The following DZIP1 variants were observed in gnomAD, a reference collection of about 807,000 sequenced individuals.
DZIP1 encodes the protein DAZ interacting zinc finger protein 1.
A neutral mutation model predicts 107.6 loss-of-function variants in DZIP1; 97 were observed. The observed-to-expected ratio is 0.90, with a 90% CI of 0.77 to 1.07. The LOEUF is 1.07. DZIP1 is among the 50% of genes least tolerant of loss of function. DZIP1 has a pLI of 0.00. For missense variants in DZIP1, 1,035 were observed against 1,063.6 expected, an observed-to-expected ratio of 0.97 and a Z score of 0.37; for synonymous variants, 390 against 386.4, an observed-to-expected ratio of 1.01 and a Z score of -0.11.
rs1876879694 is a variant in DZIP1 at position 95,628,996 on chromosome 13, T to C, written c.810+993A>G. 3.3e-5 allele frequency among the ~76,000 whole-genome samples: 5 copies of C among 152,178 alleles called. No individual in the cohort carries two copies. The South Asian group carries it at 1.0e-3, about 32-fold the overall frequency. ...ACTGTACACTTAAAAATAGTTAAAA[T>C]CATAAATTTTACATTATAGGTATAT... On this transcript the variant is annotated intron_variant, in intron 7 of 22. Transcript: ENST00000376829.
chr13:95,579,125 A>C lies in DZIP1; in HGVS notation c.*3109T>G, dbSNP rs946315735. 6 of 152,160 alleles carry C rather than the reference A, an allele frequency of 3.9e-5. No individual in the cohort carries two copies. Among genetic ancestry groups the C allele is most frequent in the Non-Finnish European group, 8.8e-5 (6 of 68,046 alleles). The allele number at this position is 152,160 out of a possible 1,614,324, so 9.4% of individuals were successfully genotyped here. ...AAGGTGTGATTGGAAAAATTCAAAAAATTGCAACCTCAGGCATAAATGGGT... is the reference window on the plus strand; with the variant it reads ...AAGGTGTGATTGGAAAAATTCAAAACATTGCAACCTCAGGCATAAATGGGT... On this transcript the variant is annotated 3_prime_UTR_variant, in exon 23 of 23. Transcript: ENST00000376829.
At chr13:95,582,533 G>A (rs1215408616) in intron 22 of DZIP1, among the ~76,000 whole-genome samples, 8 of 152,054 alleles carry the variant, frequency 5.3e-5, no homozygotes, top group African/African-American at 1.9e-4. Context: ...CAGGACCCTT[G>A]GATGCAAGCT....
At chr13:95,623,397 C>T (rs1346209439) in intron 8 of DZIP1, among the ~76,000 whole-genome samples, 1 of 152,110 alleles carries the variant, frequency 6.6e-6, no homozygotes, top group Non-Finnish European at 1.5e-5. Flanking sequence ...AGTGGAGAAA[C>T]CTGACAAACA....
intron 6 of DZIP1, among the ~76,000 whole-genome samples, chr13:95,633,001 T>A (rs895772326): frequency 3.9e-5 from 6 of 152,182 alleles, no homozygotes; most frequent in Non-Finnish European, 8.8e-5. Flanking sequence ...CTCAACCCCC[T>A]TTAGAATGTA....
intron 9 of DZIP1, among the ~76,000 whole-genome samples, chr13:95,620,942 A>G (rs1875752653): frequency 6.6e-6 from 1 of 152,232 alleles, no homozygotes; most frequent in Non-Finnish European, 1.5e-5. Context: ...GTTTCCTACC[A>G]TATACCAGGC....
At chr13:95,599,564 C>T (rs1244965458) in intron 14 of DZIP1, 140 bp from the exon 15 acceptor site, 9 of 702,636 alleles carry the variant, frequency 1.3e-5, no homozygotes, top group Middle Eastern at 4.0e-4. Context: ...GAGGAAAAAA[C>T]GTTGAGGCAA....
At position 95,633,296 on chromosome 13, in the gene DZIP1, A is replaced by C; in HGVS notation, c.623T>G (p.Met208Arg). The C allele has an allele frequency of 9.3e-6, 15 of 1,614,208 alleles. No individual in the cohort carries two copies. The highest frequency in any genetic ancestry group is 1.2e-5 in the Non-Finnish European group (14 of 1,180,022). The change falls in exon 6 of 23, where the codon ATG becomes AGG. Residue 208 changes from methionine to arginine, a missense_variant. Met to Arg is a moderately conservative substitution (Grantham distance 91, BLOSUM62 -1). Transcript: ENST00000376829. ...GTGACTTTGTAGAAAAGCTTGGTTC[A>C]TAAAGGCCTTGTCACAAAAATGGCA... ...YQCHFCDKAF[M>R]NQAFLQSHIQ...
chr13:95,599,609 C>A (rs752193812), intron 14 of DZIP1, among the ~76,000 whole-genome samples, 185 bp from the exon 15 acceptor site: 2 of 152,128 alleles, frequency 1.3e-5, no homozygotes, highest in Admixed American at 6.5e-5. Flanking sequence ...ATCATATCTT[C>A]GATTTCTATG....
chr13:95,589,262 C>T, intron 18 of DZIP1, 55 bp from the exon 19 acceptor site: 1 of 1,378,754 alleles, frequency 7.3e-7, no homozygotes, highest in Non-Finnish European at 1.0e-6. Flanking sequence ...AATATAATTT[C>T]ACATACATTT....
At chr13:95,596,348 G>A (rs2044457952) in intron 15 of DZIP1, among the ~76,000 whole-genome samples, 1 of 152,132 alleles carries the variant, frequency 6.6e-6, no homozygotes, top group African/African-American at 2.4e-5. Flanking sequence ...CATGGGATCA[G>A]TTTTATCAGA....
At position 95,612,180 on chromosome 13, in the gene DZIP1, G is replaced by A. The variant is rs1275478214; in HGVS notation, c.1174-3C>T. The A allele has an allele frequency of 1.9e-6, 3 of 1,603,576 alleles. No individual in the cohort carries two copies. Among genetic ancestry groups the A allele is most frequent in the African/African-American group, 1.3e-5 (1 of 74,434 alleles). On this transcript the variant is annotated splice_region_variant and splice_polypyrimidine_tract_variant and intron_variant, in intron 10 of 22. Transcript: ENST00000376829. ...AGTTTCTCTATATGTGACAGGAGCT[G>A]AAAAAAAGTTAAGAAAGGCATCCAT...
chr13:95,597,000 A>G (rs921067951), intron 15 of DZIP1, among the ~76,000 whole-genome samples: 1 of 152,098 alleles, frequency 6.6e-6, no homozygotes, highest in Non-Finnish European at 1.5e-5. Flanking sequence ...GGTCCTCAGC[A>G]CTCTCCTGTC....
chr13:95,589,699 A>G, intron 18 of DZIP1, 104 bp downstream of exon 18: 1 of 1,436,242 alleles, frequency 7.0e-7, no homozygotes, highest in South Asian at 1.4e-5. Flanking sequence ...CAAAATGGGG[A>G]GAAAATAAAT....
At position 95,633,191 on chromosome 13, in the gene DZIP1, G is replaced by A. The variant is rs1297752579; in HGVS notation, c.685+43C>T. The A allele has an allele frequency of 2.6e-6, 4 of 1,561,430 alleles. No homozygotes were observed. The South Asian group carries it at 4.5e-5, about 17-fold the overall frequency. The stretch of plus-strand genomic sequence containing the variant: ...CAAGTCTCATTGCCAAAAGAAAAAG[G>A]GAGCAGGAAGAAAAGAGCTTTCAAA... On this transcript the variant is annotated intron_variant, in intron 6 of 22. Coordinates refer to ENST00000376829, the MANE Select transcript of DZIP1 (RefSeq NM_198968.4).
intron 15 of DZIP1, among the ~76,000 whole-genome samples, chr13:95,595,815 G>A (rs753669695): frequency 1.3e-5 from 2 of 152,176 alleles, no homozygotes; most frequent in Non-Finnish European, 2.9e-5. Context: ...TCTGGGCCCT[G>A]TTTTCTCTGG....
In DZIP1 at chr13:95,578,585, T is replaced by TACAGGATCAGAGA. The variant is rs1488605446; in HGVS notation, c.*3636_*3648dup. 6.6e-6 allele frequency: 1 copy of TACAGGATCAGAGA among 152,272 alleles called. No individual in the cohort carries two copies. Among genetic ancestry groups the TACAGGATCAGAGA allele is most frequent in the Non-Finnish European group, 1.5e-5 (1 of 68,068 alleles). The allele number at this position is 152,272 out of a possible 1,614,324, so 9.4% of individuals were successfully genotyped here. On this transcript the variant is annotated 3_prime_UTR_variant, in exon 23 of 23. Transcript: ENST00000376829. Reference sequence around the variant, plus strand: ...AAGTTATCTGGTAGAACTTAACTTCTACAGGATCAGAGAGGATCTTGCTCA... The same window carrying TACAGGATCAGAGA: ...AAGTTATCTGGTAGAACTTAACTTCTACAGGATCAGAGAACAGGATCAGAGAGGATCTTGCTCA...
At chr13:95,621,812 G>A (rs1875898658) in intron 9 of DZIP1, among the ~76,000 whole-genome samples, 1 of 151,352 alleles carries the variant, frequency 6.6e-6, no homozygotes, top group South Asian at 2.1e-4. Flanking sequence ...CTGCCTCTTG[G>A]GTTCAAGCAA....
intron 10 of DZIP1, among the ~76,000 whole-genome samples, chr13:95,617,581 G>A (rs34755300): frequency 0.018 from 2,785 of 151,890 alleles, 48 homozygotes; most frequent in Middle Eastern, 0.034. Flanking sequence ...AGAGCAAGTC[G>A]AAGGGCTTGC....
intron 13 of DZIP1, among the ~76,000 whole-genome samples, chr13:95,608,929 G>C (rs1308775687): frequency 6.6e-6 from 1 of 152,198 alleles, no homozygotes; most frequent in African/African-American, 2.4e-5. Context: ...AACTATCTCA[G>C]CTATTTAGCT....
Sources: gnomAD v4.1 joint callset for allele counts (sites outside exome capture counted in the v4.1 genomes callset) on GRCh38, gnomAD v4.1.1 for gene constraint, MANE v1.5 for transcripts, NCBI Gene and HGNC (gene_info 2026-07-23, HGNC 2026-07-21) for gene names.